The following ADK variants were observed in gnomAD, a reference collection of about 807,000 sequenced individuals.
ADK encodes N6,N6-dimethyladenosine kinase.
ADK carries 24 observed loss-of-function variants against 44.7 expected under a neutral mutation model. The observed-to-expected ratio is 0.54, with a 90% CI of 0.39 to 0.76. The LOEUF is 0.76. ADK is among the 30% of genes least tolerant of loss of function. The probability of loss-of-function intolerance (pLI) is 0.00; values close to 1 mark genes in which losing one functional copy is unlikely to be tolerated. For missense variants in ADK, 321 were observed against 425.1 expected (o/e 0.76, Z 2.15); for synonymous variants, 128 against 142.6 (o/e 0.90, Z 0.73).
intron 1 of ADK, among the ~76,000 whole-genome samples, chr10:74,171,376 C>T (rs990995159): frequency 1.3e-5 from 2 of 152,146 alleles, no homozygotes; most frequent in African/African-American, 4.8e-5. Flanking sequence ...TTATCGCACC[C>T]TTAACAAACT....
chr10:74,240,400 G>GTGTGTGTT (rs762118511), intron 3 of ADK, among the ~76,000 whole-genome samples: 1 of 151,288 alleles, frequency 6.6e-6, no homozygotes, highest in South Asian at 2.1e-4. Context: ...GTGTGTGTGT[G>GTGTGTGTT]TCTGTGTGTG....
intron 1 of ADK, among the ~76,000 whole-genome samples, chr10:74,162,395 A>C (rs1015723454): frequency 2.0e-5 from 3 of 152,164 alleles, no homozygotes; most frequent in African/African-American, 7.2e-5. Context: ...GTTGATGGAG[A>C]GAACTATTAC....
chr10:74,498,877 A>G (rs1174439404), intron 6 of ADK, among the ~76,000 whole-genome samples: 2 of 152,374 alleles, frequency 1.3e-5, no homozygotes, highest in South Asian at 4.1e-4. Context: ...CTATGCAGCC[A>G]TAAAAAATGA....
chr10:74,683,487 T>G (rs889136528), intron 10 of ADK, among the ~76,000 whole-genome samples: 1 of 152,190 alleles, frequency 6.6e-6, no homozygotes, highest in Non-Finnish European at 1.5e-5. Flanking sequence ...AAATTTTGTT[T>G]CATTAATAGA....
chr10:74,292,499 T>C (rs1839657372), intron 3 of ADK, among the ~76,000 whole-genome samples: 1 of 152,170 alleles, frequency 6.6e-6, no homozygotes, highest in Non-Finnish European at 1.5e-5. Context: ...GACTTGTTCT[T>C]TCAGCATCTA....
chr10:74,153,333 AG>A (rs1841664386), intron 1 of ADK, among the ~76,000 whole-genome samples: 1 of 152,212 alleles, frequency 6.6e-6, no homozygotes, highest in Non-Finnish European at 1.5e-5. Context: ...GATGGAATTC[AG>A]GGGTGCTGCT....
At chr10:74,316,886 T>G (rs1379526721) in intron 4 of ADK, among the ~76,000 whole-genome samples, 3 of 86,174 alleles carry the variant, frequency 3.5e-5, no homozygotes, top group African/African-American at 9.7e-5. Flanking sequence ...CTTTTATTCT[T>G]TTGCACTTTT....
At chr10:74,447,551 T>C (rs780976763) in intron 6 of ADK, among the ~76,000 whole-genome samples, 12 of 152,198 alleles carry the variant, frequency 7.9e-5, no homozygotes, top group Non-Finnish European at 1.3e-4. Context: ...ATCCTTATGC[T>C]GAAGTGGCAT....
At chr10:74,201,702 A>G (rs1009607915) in intron 2 of ADK, among the ~76,000 whole-genome samples, 4 of 150,224 alleles carry the variant, frequency 2.7e-5, no homozygotes, top group Non-Finnish European at 5.9e-5. Context: ...CTATCTATCT[A>G]TCTATCTATC....
chr10:74,591,418 C>G (rs144246819), intron 8 of ADK, among the ~76,000 whole-genome samples: 5 of 152,092 alleles, frequency 3.3e-5, no homozygotes, highest in Non-Finnish European at 5.9e-5. Context: ...TGTGTCTCTT[C>G]GTAGATTCCC....
intron 6 of ADK, among the ~76,000 whole-genome samples, chr10:74,457,575 T>A (rs1193321956): frequency 4.6e-5 from 7 of 152,228 alleles, no homozygotes; most frequent in Non-Finnish European, 7.3e-5. Flanking sequence ...CACACATGTT[T>A]ATTACAGCAC....
chr10:74,246,182 A>G (rs1845409269), intron 3 of ADK, among the ~76,000 whole-genome samples: 1 of 152,182 alleles, frequency 6.6e-6, no homozygotes, highest in Non-Finnish European at 1.5e-5. Context: ...CTATATTCAA[A>G]GTAATACTAA....
intron 3 of ADK, among the ~76,000 whole-genome samples, chr10:74,300,835 G>A (rs1041476451): frequency 6.6e-6 from 1 of 152,230 alleles, no homozygotes; most frequent in Non-Finnish European, 1.5e-5. Flanking sequence ...AAAACAAGAA[G>A]TGATACTTCT....
At chr10:74,388,026 A>G (rs1439167804) in intron 4 of ADK, among the ~76,000 whole-genome samples, 14 of 152,104 alleles carry the variant, frequency 9.2e-5, no homozygotes, top group Admixed American at 3.9e-4. Context: ...TCCTTACCTC[A>G]GCCTCCTGAG....
At chr10:74,584,897 G>A (rs1851480842) in intron 7 of ADK, among the ~76,000 whole-genome samples, 2 of 152,188 alleles carry the variant, frequency 1.3e-5, no homozygotes, top group Non-Finnish European at 2.9e-5. Context: ...ATTGCAGTGA[G>A]TATGGGCAAG....
intron 3 of ADK, among the ~76,000 whole-genome samples, chr10:74,302,837 T>C (rs1020881214): frequency 1.6e-5 from 2 of 121,564 alleles, no homozygotes; most frequent in African/African-American, 6.5e-5. Context: ...TTACTGAGTC[T>C]AGTGTGAGTT....
At chr10:74,540,768 T>G (rs772610220) in intron 7 of ADK, among the ~76,000 whole-genome samples, 1 of 152,120 alleles carries the variant, frequency 6.6e-6, no homozygotes, top group Non-Finnish European at 1.5e-5. Flanking sequence ...CAAAAATTAT[T>G]GTTTATTAAA....
chr10:74,343,538 G>T (rs1841657534), intron 4 of ADK, among the ~76,000 whole-genome samples: 1 of 152,190 alleles, frequency 6.6e-6, no homozygotes, highest in African/African-American at 2.4e-5. Flanking sequence ...AAATACTGGT[G>T]TAAGTGGATT....
In ADK at chr10:74,281,434, C is replaced by G. The variant is rs987929499; in HGVS notation, c.195-33233C>G. ...AACATAAGCAAGGGGAAGGCAGTCT[C>G]TCTTATGATCCTAGACATTAAATTG... On this transcript the variant is annotated intron_variant, in intron 3 of 10. Transcript: ENST00000539909. Among the ~76,000 whole-genome samples the G allele has an allele frequency of 3.3e-5, 5 of 152,314 alleles. No individual in the cohort carries two copies. In the East Asian group the frequency reaches 7.7e-4, roughly 23 times the overall value.
Sources: allele counts gnomAD v4.1 joint callset (sites outside exome capture counted in the v4.1 genomes callset), GRCh38; gene constraint gnomAD v4.1.1; transcripts MANE v1.5; gene names NCBI Gene and HGNC (gene_info 2026-07-23, HGNC 2026-07-21).